Variants in NFAT5 observed in about 807,000 individuals in gnomAD.
NFAT5 encodes the protein nuclear factor of activated T-cells 5.
NFAT5 carries 31 observed loss-of-function variants against 166.5 expected under a neutral mutation model. That is an observed-to-expected ratio of 0.19 (90% CI 0.14 to 0.25). The LOEUF is 0.25. Among genes scored for constraint, NFAT5 ranks in the 10% least tolerant of loss-of-function variants. The pLI is 1.00. For synonymous variants in NFAT5, 612 were observed against 639.7 expected, an observed-to-expected ratio of 0.96 and a Z score of 0.65; for missense variants, 1,449 against 1,821.8, an observed-to-expected ratio of 0.80 and a Z score of 3.72.
chr16:69,611,593 A>T (rs2033705952), intron 2 of NFAT5, among the ~76,000 whole-genome samples: 1 of 152,220 alleles, frequency 6.6e-6, no homozygotes, highest in Non-Finnish European at 1.5e-5. Flanking sequence ...GCACCAACAG[A>T]TTATATGTCT....
At chr16:69,634,551 G>A (rs1416947684) in intron 3 of NFAT5, among the ~76,000 whole-genome samples, 1 of 151,952 alleles carries the variant, frequency 6.6e-6, no homozygotes, top group African/African-American at 2.4e-5. Context: ...GTGTGTACTG[G>A]CAGTATTTAT....
chr16:69,683,416 C>T (rs1220027322), intron 10 of NFAT5, among the ~76,000 whole-genome samples: 1 of 151,556 alleles, frequency 6.6e-6, no homozygotes, highest in African/African-American at 2.4e-5. Context: ...CCTGTAGTTC[C>T]AGCTACTCAG....
chr16:69,702,456 A>G lies in NFAT5; in HGVS notation c.*6105A>G, dbSNP rs945653922. 3.9e-5 allele frequency: 6 copies of G among 152,248 alleles called. No individual in the cohort carries two copies. Among genetic ancestry groups the G allele is most frequent in the African/African-American group, 9.6e-5 (4 of 41,468 alleles). 9.4% of individuals were successfully genotyped at this position (152,248 alleles called of 1,614,324 possible). ...GGGAATTCATTAAAACCAGTTGTCT[A>G]TATATTTTGTGCCATGTATATAAGA... On this transcript the variant is annotated 3_prime_UTR_variant, in exon 15 of 15. Transcript: ENST00000349945.
intron 2 of NFAT5, among the ~76,000 whole-genome samples, chr16:69,609,835 A>G (rs988628184): frequency 4.4e-4 from 65 of 149,062 alleles, no homozygotes; most frequent in Middle Eastern, 6.8e-3. Context: ...AAAAAAAAAA[A>G]AAAAAAGAAA....
intron 2 of NFAT5, among the ~76,000 whole-genome samples, chr16:69,604,321 C>G (rs1567533893): frequency 1.3e-5 from 2 of 152,092 alleles, no homozygotes; most frequent in Non-Finnish European, 2.9e-5. Flanking sequence ...TGTAGGTGCT[C>G]AATTGAATTT....
chr16:69,580,696 C>T (rs2031618561), intron 2 of NFAT5, among the ~76,000 whole-genome samples: 1 of 152,148 alleles, frequency 6.6e-6, no homozygotes, highest in Admixed American at 6.6e-5. Context: ...CGCTCTGTCA[C>T]CCAGGCTGGT....
At chr16:69,621,378 C>T (rs1487813395) in intron 2 of NFAT5, among the ~76,000 whole-genome samples, 2 of 152,036 alleles carry the variant, frequency 1.3e-5, no homozygotes, top group Non-Finnish European at 2.9e-5. Flanking sequence ...ATTTTTATCA[C>T]TCCAAAAAGA....
intron 7 of NFAT5, among the ~76,000 whole-genome samples, chr16:69,661,039 A>C: frequency 6.9e-6 from 1 of 145,846 alleles, no homozygotes; most frequent in African/African-American, 2.5e-5. Flanking sequence ...TGAACTCCTG[A>C]CCTCAAATGA....
At chr16:69,587,082 CT>C (rs1567520423) in intron 2 of NFAT5, among the ~76,000 whole-genome samples, 3 of 151,688 alleles carry the variant, frequency 2.0e-5, no homozygotes, top group African/African-American at 7.3e-5. Context: ...TATTAAAGTG[CT>C]TTTTTTTCTT....
intron 6 of NFAT5, among the ~76,000 whole-genome samples, chr16:69,658,637 A>G (rs2035994413): frequency 6.6e-6 from 1 of 151,934 alleles, no homozygotes; most frequent in African/African-American, 2.4e-5. Flanking sequence ...AGACCAACCT[A>G]GGCAACATAG....
intron 2 of NFAT5, among the ~76,000 whole-genome samples, chr16:69,591,575 A>T (rs1245147939): frequency 6.6e-6 from 1 of 152,192 alleles, no homozygotes; most frequent in East Asian, 1.9e-4. Flanking sequence ...TTCTATGAAT[A>T]ATTTTCTACA....
In NFAT5 at chr16:69,569,361, A is replaced by G. The variant is rs189023150; in HGVS notation, c.127+813A>G. Among the ~76,000 whole-genome samples the G allele has an allele frequency of 7.8e-4, 118 of 152,080 alleles. 1 individual carries two copies. The East Asian group carries it at 0.022, about 28-fold the overall frequency. ...AAAGTCCCACAGTAGAAGAAATAAT[A>G]CTTTCTGCGTTTCAGTTAGTGCTCT... On this transcript the variant is annotated intron_variant, in intron 2 of 14. Coordinates refer to ENST00000349945, the MANE Select transcript of NFAT5 (RefSeq NM_138713.4).
chr16:69,657,328 C>T (rs1428448344), intron 6 of NFAT5, among the ~76,000 whole-genome samples: 1 of 151,698 alleles, frequency 6.6e-6, no homozygotes, highest in African/African-American at 2.4e-5. Context: ...CGGGGTTTCA[C>T]TGTGTAGGTC....
chr16:69,642,364 C>G (rs371410498), intron 3 of NFAT5, among the ~76,000 whole-genome samples: 6 of 152,198 alleles, frequency 3.9e-5, no homozygotes, highest in African/African-American at 1.4e-4. Context: ...ATACAGGATA[C>G]TTTACATATG....
At chr16:69,689,671 G>A (rs1212543886) in intron 11 of NFAT5, among the ~76,000 whole-genome samples, 1 of 152,170 alleles carries the variant, frequency 6.6e-6, no homozygotes, top group Non-Finnish European at 1.5e-5. Context: ...AGCCTCCCAA[G>A]TAGCTGGGAT....
At chr16:69,641,316 A>G (rs1169811662) in intron 3 of NFAT5, among the ~76,000 whole-genome samples, 1 of 151,272 alleles carries the variant, frequency 6.6e-6, no homozygotes, top group Non-Finnish European at 1.5e-5. Context: ...TTGTTTCCAA[A>G]TATCTTTTTT....
chr16:69,687,437 A>G (rs899537680), intron 11 of NFAT5, among the ~76,000 whole-genome samples: 5 of 57,462 alleles, frequency 8.7e-5, no homozygotes, highest in African/African-American at 3.2e-4. Flanking sequence ...CAAGACTCTG[A>G]AAAAAAAAAA....
chr16:69,633,043 A>G (rs1166305123), intron 3 of NFAT5, among the ~76,000 whole-genome samples: 2 of 152,214 alleles, frequency 1.3e-5, no homozygotes, highest in African/African-American at 4.8e-5. Flanking sequence ...CTGCATTATT[A>G]GAGAGCAAAC....
intron 2 of NFAT5, among the ~76,000 whole-genome samples, chr16:69,588,669 G>A (rs1251615873): frequency 1.3e-5 from 2 of 152,074 alleles, no homozygotes; most frequent in African/African-American, 2.4e-5. Flanking sequence ...CTGTGTTTTG[G>A]GATCTCCCAT....
Sources: gnomAD v4.1 joint callset for allele counts (sites outside exome capture counted in the v4.1 genomes callset) on GRCh38, gnomAD v4.1.1 for gene constraint, MANE v1.5 for transcripts, NCBI Gene and HGNC (gene_info 2026-07-23, HGNC 2026-07-21) for gene names.